The following ERN1 variants were observed in gnomAD, a reference collection of about 807,000 sequenced individuals.
ERN1 encodes serine/threonine-protein kinase/endoribonuclease IRE1.
ERN1 carries 39 observed loss-of-function variants against 113.1 expected under a neutral mutation model. The ratio of observed to expected loss-of-function variants is 0.34; its 90% confidence interval spans 0.27 to 0.45. The LOEUF (loss-of-function observed/expected upper bound fraction) is 0.45, where lower values mean the gene tolerates loss of function less well. ERN1 is among the 20% of genes least tolerant of loss of function. ERN1 has a pLI of 1.00. For missense variants in ERN1, 976 were observed against 1,274.8 expected (o/e 0.77, Z 3.57); for synonymous variants, 507 against 515.9 (o/e 0.98, Z 0.23).
intron 8 of ERN1, among the ~76,000 whole-genome samples, chr17:64,066,143 G>GACAC (rs374480510): frequency 6.6e-6 from 1 of 151,666 alleles, no homozygotes; most frequent in Non-Finnish European, 1.5e-5. Context: ...CTGAGTCTTG[G>GACAC]ACACACACAC....
At position 64,079,689 on chromosome 17, in the gene ERN1, A is replaced by C. The variant is rs752141602; in HGVS notation, c.255T>G (p.Leu85=). 3.1e-6 allele frequency: 5 copies of C among 1,613,830 alleles called. No homozygotes were observed. In the East Asian group the frequency reaches 8.9e-5, roughly 29 times the overall value. The change falls in exon 4 of 22, where the codon CTT becomes CTG. Residue 85 remains leucine, a synonymous_variant. Coordinates refer to ENST00000433197, the MANE Select transcript of ERN1 (RefSeq NM_001433.5). The part of the protein sequence containing the change: ...PDPNDGSLYT[L]GSKNNEGLTK... Reference sequence around the variant, plus strand: ...TCAGGCCTTCATTATTCTTGCTTCCAAGCGTATACAGGCTGCCATCATTAG... The same window carrying C: ...TCAGGCCTTCATTATTCTTGCTTCCCAGCGTATACAGGCTGCCATCATTAG...
intron 5 of ERN1, among the ~76,000 whole-genome samples, chr17:64,073,334 AATTTTT>A (rs1450235898): frequency 4.8e-4 from 65 of 134,434 alleles, no homozygotes; most frequent in South Asian, 1.2e-3. Context: ...ACACCCAGCA[AATTTTT>A]TTTTTTTTTT....
Position 64,105,053 on chromosome 17 carries a change from G to C in ERN1, c.55-6812C>G, listed in dbSNP as rs762613378. Among the ~76,000 whole-genome samples the C allele has an allele frequency of 2.0e-5, 3 of 152,104 alleles. No homozygotes were observed. In the South Asian group the frequency reaches 6.2e-4, roughly 32 times the overall value. Reference sequence around the variant, plus strand: ...AGAAAACCTACGATTGTGAACAAGAGAGTCACACACTTCTCAGGTGGCATG... The same window carrying C: ...AGAAAACCTACGATTGTGAACAAGACAGTCACACACTTCTCAGGTGGCATG... On this transcript the variant is annotated intron_variant, in intron 1 of 21. Transcript: ENST00000433197.
At chr17:64,090,389 G>T (rs1044386001) in intron 2 of ERN1, among the ~76,000 whole-genome samples, 1 of 152,070 alleles carries the variant, frequency 6.6e-6, no homozygotes, top group Non-Finnish European at 1.5e-5. Flanking sequence ...TCTCTACTTT[G>T]GCAGAAGTAA....
In ERN1 at chr17:64,068,229, C is replaced by CA; in HGVS notation, c.540dup (p.Asp181Ter). The CA allele has an allele frequency of 6.2e-7, 1 of 1,612,496 alleles. No individual in the cohort carries two copies. Among genetic ancestry groups the CA allele is most frequent in the Non-Finnish European group, 8.5e-7 (1 of 1,179,350 alleles). ...TCCTCAGGCAGTGAGGCCGCATAGT[C>CA]AAAGTAGGTGGCATTCCACCGGAGC... On this transcript the variant is annotated frameshift_variant, in exon 7 of 22. Coordinates refer to ENST00000433197, the MANE Select transcript of ERN1 (RefSeq NM_001433.5). LOFTEE classifies it high-confidence loss of function.
chr17:64,081,366 T>G (rs1913762607), intron 2 of ERN1, among the ~76,000 whole-genome samples: 1 of 152,212 alleles, frequency 6.6e-6, no homozygotes. Context: ...TTATAAAATC[T>G]AATTTAAAGA....
In ERN1 at chr17:64,042,394, CT is replaced by C. The variant is rs1209897373; in HGVS notation, c.*1593del. On this transcript the variant is annotated 3_prime_UTR_variant, in exon 22 of 22. Transcript: ENST00000433197. ...GAATTCTACAAAGGCAGAATGAGAG[CT>C]TTTGATGAGTAACCATGATACAAAT... 6.6e-6 allele frequency: 1 copy of C among 152,182 alleles called. No homozygotes were observed. Among genetic ancestry groups the C allele is most frequent in the Non-Finnish European group, 1.5e-5 (1 of 68,030 alleles). The allele number at this position is 152,182 out of a possible 1,614,324, so 9.4% of individuals were successfully genotyped here.
At chr17:64,098,631 G>A (rs912886017) in intron 1 of ERN1, 69 of 515,016 alleles carry the variant, frequency 1.3e-4, no homozygotes, top group African/African-American at 2.3e-4. Flanking sequence ...CAATACCCAC[G>A]CATACACACA....
rs754687924 is a variant in ERN1 at position 64,060,473 on chromosome 17, T to C, written c.1202A>G (p.Glu401Gly). 1 of 1,610,414 alleles carries C rather than the reference T, an allele frequency of 6.2e-7. No individual in the cohort carries two copies. The highest frequency in any genetic ancestry group is 1.1e-5 in the South Asian group (1 of 91,018). Residue 401 changes from glutamate (E) to glycine (G), a missense_variant, in exon 11 of 22, where the codon GAG becomes GGG. Transcript: ENST00000433197. ...ACTGGTCGCTTCCTCACTCACTTCC[T>C]CAAAGCTCTTTTTCTCTGAATCAGC... ...IPADSEKKSF[E>G]EVINLVDQTS...
chr17:64,051,563 G>C (rs910497959), intron 17 of ERN1, among the ~76,000 whole-genome samples: 1 of 152,202 alleles, frequency 6.6e-6, no homozygotes, highest in Non-Finnish European at 1.5e-5. Context: ...AAGGAATACA[G>C]AGAAATGTTC....
At chr17:64,087,175 T>C (rs931953563) in intron 2 of ERN1, among the ~76,000 whole-genome samples, 8 of 152,160 alleles carry the variant, frequency 5.3e-5, no homozygotes, top group African/African-American at 1.9e-4. Flanking sequence ...GATTGAGCCA[T>C]GTGGGGAAAC....
Position 64,066,833 on chromosome 17 carries a change from A to G in ERN1, c.680T>C (p.Val227Ala), listed in dbSNP as rs1187278853. 6.2e-7 allele frequency: 1 copy of G among 1,613,822 alleles called. No individual in the cohort carries two copies. Among genetic ancestry groups the G allele is most frequent in the Non-Finnish European group, 8.5e-7 (1 of 1,179,874 alleles). The part of the protein sequence containing the change: ...LWIQNYASPV[V>A]AFYVWQREGL... Reference sequence around the variant, plus strand: ...CTCCCGCTGCCAGACATAAAAGGCCACCACAGGGGAGGCGTAGTTTTGGAT... The same window carrying G: ...CTCCCGCTGCCAGACATAAAAGGCCGCCACAGGGGAGGCGTAGTTTTGGAT... The change falls in exon 8 of 22, where the codon GTG becomes GCG. Residue 227 changes from valine (V) to alanine (A), a missense_variant. Around this residue, in one of 5 missense-constraint regions of ERN1, gnomAD observed 459 missense variants for 581.2 expected, o/e 0.79. Transcript: ENST00000433197.
At chr17:64,059,402 G>A (rs1053940123) in intron 11 of ERN1, among the ~76,000 whole-genome samples, 10 of 152,070 alleles carry the variant, frequency 6.6e-5, no homozygotes, top group Non-Finnish European at 1.3e-4. Flanking sequence ...CTCTGTCCCT[G>A]GGCCCTCCAT....
chr17:64,109,120 A>T (rs1378207152), intron 1 of ERN1, among the ~76,000 whole-genome samples: 1 of 151,616 alleles, frequency 6.6e-6, no homozygotes, highest in Non-Finnish European at 1.5e-5. Flanking sequence ...GGGAAACTCC[A>T]TCTCAAAAAA....
rs1281804861 is a variant in ERN1, at chr17:64,063,535, T to C, written c.1087+451A>G. On this transcript the variant is annotated intron_variant, in intron 10 of 21. Transcript: ENST00000433197. This position sits in a 1 kb window ranked among gnomAD's most constrained non-coding sequence, Gnocchi z 5.1. ...TGCTGCTCTCAATCCATCCTGGGAT[T>C]TAATCCCTCCCGGGTCCTCAGCCCT... is the stretch of plus-strand genomic sequence containing the variant. Among the ~76,000 whole-genome samples the C allele has an allele frequency of 6.6e-6, 1 of 152,130 alleles. No individual in the cohort carries two copies. Among genetic ancestry groups the C allele is most frequent in the Non-Finnish European group, 1.5e-5 (1 of 68,024 alleles).
At chr17:64,086,227 T>G (rs948487170) in intron 2 of ERN1, among the ~76,000 whole-genome samples, 5 of 152,252 alleles carry the variant, frequency 3.3e-5, no homozygotes, top group Admixed American at 1.3e-4. Flanking sequence ...CCCATGTAAC[T>G]ATCTTCACCA....
chr17:64,104,075 C>T (rs76708300), intron 1 of ERN1, among the ~76,000 whole-genome samples: 6 of 121,352 alleles, frequency 4.9e-5, no homozygotes, highest in African/African-American at 1.8e-4. Flanking sequence ...CCCATCTTGA[C>T]AAAAAAAAAA....
chr17:64,056,184 C>A (rs1461739544), intron 12 of ERN1, among the ~76,000 whole-genome samples: 2 of 152,224 alleles, frequency 1.3e-5, no homozygotes, highest in Non-Finnish European at 2.9e-5. Flanking sequence ...CTAGGAGGGG[C>A]TGGATGGCCA....
At position 64,043,927 on chromosome 17, in the gene ERN1, A is replaced by G. The variant is rs1203474244; in HGVS notation, c.*61T>C. 1 of 1,197,518 alleles carries G rather than the reference A, an allele frequency of 8.4e-7. No homozygotes were observed. 74.2% of individuals were successfully genotyped at this position (1,197,518 alleles called of 1,614,324 possible). On this transcript the variant is annotated 3_prime_UTR_variant, in exon 22 of 22. Transcript: ENST00000433197. ...CAAAGCCGGGAGGCATCAAGCTCTA[A>G]TTGTGGTGACCAGGCCCTCAGTCAC...
Sources: allele counts gnomAD v4.1 joint callset (sites outside exome capture counted in the v4.1 genomes callset), GRCh38; gene constraint gnomAD v4.1.1; regional missense constraint gnomAD v4.1.1; non-coding constraint Gnocchi (gnomAD v3.1); transcripts MANE v1.5; gene names NCBI Gene and HGNC (gene_info 2026-07-23, HGNC 2026-07-21).